The following UTS2 variants were observed in gnomAD, a reference collection of about 807,000 sequenced individuals.
UTS2 encodes the protein urotensin-2.
Under a neutral mutation model 12.6 loss-of-function variants are expected in UTS2, and 10 were observed. The ratio of observed to expected loss-of-function variants is 0.80; its 90% confidence interval spans 0.49 to 1.35. UTS2 has a LOEUF of 1.35. Among genes scored for constraint, UTS2 ranks in the 40% most tolerant of loss-of-function variants. UTS2 has a pLI of 0.00. For synonymous variants in UTS2, 52 were observed against 50.0 expected, an observed-to-expected ratio of 1.04 and a Z score of -0.17; for missense variants, 142 against 143.2, an observed-to-expected ratio of 0.99 and a Z score of 0.04.
At chr1:7,856,977 C>G (rs1258639009), upstream of UTS2, among the ~76,000 whole-genome samples, 4 of 151,968 alleles carry the variant, frequency 2.6e-5, no homozygotes, top group Non-Finnish European at 5.9e-5. Context: ...AGGAGAATTG[C>G]TTGAACCCAG....
chr1:7,887,532 A>T, the UTS2 span, among the ~76,000 whole-genome samples: 1 of 144,094 alleles, frequency 6.9e-6, no homozygotes, highest in African/African-American at 2.6e-5. Context: ...GCTGAGGCAG[A>T]TGGTTTACTT....
At position 7,850,964 on chromosome 1, in the gene UTS2, C is replaced by T. The variant is rs141801702; in HGVS notation, c.104-42G>A. 910 of 1,593,642 alleles carry T rather than the reference C, an allele frequency of 5.7e-4. 7 individuals are homozygous for T. The African/African-American group carries it at 0.011, about 19-fold the overall frequency. Reference sequence around the variant, plus strand: ...GATACTTAGAATTGGGTTCATCCTTCAGTTAGTTATTTCTGTTCCTTGTGT... The same window carrying T: ...GATACTTAGAATTGGGTTCATCCTTTAGTTAGTTATTTCTGTTCCTTGTGT... On this transcript the variant is annotated intron_variant, in intron 1 of 3. Coordinates refer to ENST00000361696, the MANE Select transcript of UTS2 (RefSeq NM_006786.4).
chr1:7,868,111 C>G, the UTS2 span, among the ~76,000 whole-genome samples: 2 of 116,956 alleles, frequency 1.7e-5, no homozygotes, highest in Non-Finnish European at 3.5e-5. Flanking sequence ...CACGAATGCA[C>G]AGTTCTGCCG....
chr1:7,855,039 T>C (rs1638278888), upstream of UTS2, among the ~76,000 whole-genome samples: 1 of 151,778 alleles, frequency 6.6e-6, no homozygotes, highest in Admixed American at 6.6e-5. Context: ...CAGGTGCCTG[T>C]AGTCCCAGCT....
chr1:7,896,282 C>T, the UTS2 span, among the ~76,000 whole-genome samples: 3 of 151,402 alleles, frequency 2.0e-5, no homozygotes, highest in Non-Finnish European at 4.4e-5. Flanking sequence ...AGTGTCCCTA[C>T]CTCACACCAA....
the UTS2 span, among the ~76,000 whole-genome samples, chr1:7,859,734 A>G: frequency 4.6e-5 from 7 of 152,248 alleles, no homozygotes; most frequent in South Asian, 2.1e-4. Flanking sequence ...GGCATGGCTC[A>G]TGCCTGTCAT....
the UTS2 span, among the ~76,000 whole-genome samples, chr1:7,872,342 GA>G: frequency 5.3e-5 from 6 of 114,164 alleles, no homozygotes; most frequent in Admixed American, 3.0e-4. Context: ...AAAAGAAAAA[GA>G]AAAAAAAGAA....
At chr1:7,898,544 C>T in the UTS2 span, among the ~76,000 whole-genome samples, 2 of 151,768 alleles carry the variant, frequency 1.3e-5, no homozygotes, top group Admixed American at 6.6e-5. Context: ...GGCGCGATCT[C>T]GGCTCACTGC....
chr1:7,912,532 C>A, the UTS2 span, among the ~76,000 whole-genome samples: 3 of 152,166 alleles, frequency 2.0e-5, no homozygotes, highest in Admixed American at 2.0e-4. Flanking sequence ...CAGCTCACTA[C>A]AACCTCCACC....
At chr1:7,900,970 A>G in the UTS2 span, among the ~76,000 whole-genome samples, 1 of 152,232 alleles carries the variant, frequency 6.6e-6, no homozygotes, top group Non-Finnish European at 1.5e-5. Flanking sequence ...ACTTACCTGG[A>G]AAGTCATCCA....
the UTS2 span, among the ~76,000 whole-genome samples, chr1:7,893,271 G>A: frequency 8.5e-5 from 13 of 152,182 alleles, no homozygotes; most frequent in Non-Finnish European, 1.8e-4. Flanking sequence ...CCAGCACTTT[G>A]AGAGGTAGAT....
chr1:7,857,836 T>G, upstream of UTS2, among the ~76,000 whole-genome samples: 1 of 127,584 alleles, frequency 7.8e-6, no homozygotes. Flanking sequence ...GGCAACAGAG[T>G]GAGACCCAGT....
chr1:7,855,022 G>A (rs1405895223), upstream of UTS2, among the ~76,000 whole-genome samples: 3 of 151,896 alleles, frequency 2.0e-5, no homozygotes, highest in Non-Finnish European at 4.4e-5. Context: ...TTAGCTGGGC[G>A]TGGTGGCAGG....
At chr1:7,902,723 C>T in the UTS2 span, among the ~76,000 whole-genome samples, 7 of 152,114 alleles carry the variant, frequency 4.6e-5, no homozygotes, top group Non-Finnish European at 7.3e-5. Flanking sequence ...CCCCGGCCAG[C>T]GCCTCCTATT....
intron 2 of UTS2, among the ~76,000 whole-genome samples, chr1:7,850,438 C>G (rs2097412818): frequency 6.6e-6 from 1 of 152,174 alleles, no homozygotes; most frequent in Non-Finnish European, 1.5e-5. Flanking sequence ...GAGGTGGAAA[C>G]TTAATCATTC....
At chr1:7,897,916 CCTT>C in the UTS2 span, among the ~76,000 whole-genome samples, 2 of 152,186 alleles carry the variant, frequency 1.3e-5, no homozygotes, top group African/African-American at 4.8e-5. Context: ...TATGTCGCAT[CCTT>C]CTTTTGGTAG....
chr1:7,853,941 A>G (rs976558095), upstream of UTS2, among the ~76,000 whole-genome samples: 8 of 152,232 alleles, frequency 5.3e-5, no homozygotes, highest in East Asian at 1.9e-4. Flanking sequence ...CAAAAGTTAC[A>G]AAGATAGGCC....
intron 3 of UTS2, among the ~76,000 whole-genome samples, chr1:7,849,056 A>G (rs2097411026): frequency 1.3e-5 from 2 of 152,160 alleles, no homozygotes; most frequent in East Asian, 3.9e-4. Flanking sequence ...GCACAAGTGG[A>G]TGCCAGACTG....
At chr1:7,891,548 G>GAAAGAAAGAA in the UTS2 span, among the ~76,000 whole-genome samples, 1 of 141,138 alleles carries the variant, frequency 7.1e-6, no homozygotes, top group Non-Finnish European at 1.5e-5. Flanking sequence ...AAGAAAGAAA[G>GAAAGAAAGAA]AAAGAAAGAA....
Sources: gnomAD v4.1 joint callset for allele counts (sites outside exome capture counted in the v4.1 genomes callset) on GRCh38, gnomAD v4.1.1 for gene constraint, MANE v1.5 for transcripts, NCBI Gene and HGNC (gene_info 2026-07-23, HGNC 2026-07-21) for gene names.